EYS: variants seen among roughly 807,000 people sequenced by gnomAD.
EYS encodes the protein protein eyes shut homolog.
Under a neutral mutation model 282.1 loss-of-function variants are expected in EYS, and 250 were observed. That is an observed-to-expected ratio of 0.89 (90% confidence interval 0.80 to 0.98). EYS has a LOEUF of 0.98. EYS is among the 50% of genes least tolerant of loss of function. The pLI, the probability that EYS is intolerant of heterozygous loss-of-function variation, is 0.00. For missense variants in EYS, 4,016 were observed against 3,709.0 expected (o/e 1.08, Z -2.15); for synonymous variants, 1,355 against 1,282.9 (o/e 1.06, Z -1.20).
chr6:64,296,588 ATATATATATATTTTTTT>A (rs1769026927), intron 30 of EYS, among the ~76,000 whole-genome samples: 1 of 3,526 alleles, frequency 2.8e-4, no homozygotes, highest in African/African-American at 1.1e-3. Flanking sequence ...ATATATACAT[ATATATATATATTTTTTT>A]TTTTTTTTTT....
At chr6:65,544,623 G>T (rs1459923129) in intron 2 of EYS, among the ~76,000 whole-genome samples, 2 of 152,154 alleles carry the variant, frequency 1.3e-5, no homozygotes, top group African/African-American at 4.8e-5. Context: ...GAAGAACTGT[G>T]ACACAATTAA....
rs116280015 is a variant in EYS, at chr6:64,528,547, T to G, written c.5644+61676A>C. Reference sequence around the variant, plus strand: ...CTGGAATGTGTTTTGCTTTGAATCTTTTATCTTAATTTATGTCAAACATTG... The same window carrying G: ...CTGGAATGTGTTTTGCTTTGAATCTGTTATCTTAATTTATGTCAAACATTG... On this transcript the variant is annotated intron_variant, in intron 26 of 42. Transcript: ENST00000503581. 9.9e-3 allele frequency among the ~76,000 whole-genome samples: 1,504 copies of G among 152,100 alleles called. 31 individuals are homozygous for G. The highest frequency in any genetic ancestry group is 0.034 in the African/African-American group (1,409 of 41,546).
At chr6:64,663,531 G>A (rs974054127) in intron 22 of EYS, among the ~76,000 whole-genome samples, 13 of 152,062 alleles carry the variant, frequency 8.5e-5, no homozygotes, top group African/African-American at 1.2e-4. Context: ...TACATTCTTC[G>A]GATCATTGTC....
At chr6:63,738,430 C>G (rs1280503119) in intron 41 of EYS, among the ~76,000 whole-genome samples, 1 of 151,896 alleles carries the variant, frequency 6.6e-6, no homozygotes, top group Non-Finnish European at 1.5e-5. Context: ...AGTTCATGTC[C>G]TTTGTAGGGA....
chr6:64,298,389 A>G (rs536208963), intron 30 of EYS, among the ~76,000 whole-genome samples: 2 of 152,290 alleles, frequency 1.3e-5, no homozygotes, highest in South Asian at 4.1e-4. Context: ...TTATGTATAA[A>G]GATGTAATTT....
intron 26 of EYS, among the ~76,000 whole-genome samples, chr6:64,569,464 G>A (rs979847596): frequency 1.3e-5 from 2 of 151,916 alleles, no homozygotes; most frequent in Non-Finnish European, 2.9e-5. Flanking sequence ...AAAAGGAGCC[G>A]GGCGTGGTGG....
intron 2 of EYS, among the ~76,000 whole-genome samples, chr6:65,508,052 C>G (rs1235250765): frequency 1.3e-5 from 2 of 152,058 alleles, no homozygotes; most frequent in Non-Finnish European, 2.9e-5. Flanking sequence ...ATGAACAGGC[C>G]TCTAATGTGG....
chr6:64,057,697 CTAA>C (rs1415391006), intron 33 of EYS, among the ~76,000 whole-genome samples: 2 of 152,128 alleles, frequency 1.3e-5, no homozygotes, highest in Non-Finnish European at 2.9e-5. Flanking sequence ...TTATAAACCA[CTAA>C]TAAGTAAAAA....
intron 35 of EYS, among the ~76,000 whole-genome samples, chr6:63,954,340 A>G (rs1456398037): frequency 6.6e-6 from 1 of 152,010 alleles, no homozygotes; most frequent in Admixed American, 6.6e-5. Context: ...GCCCCCCTCC[A>G]CTACCTCTCA....
chr6:65,388,770 C>T (rs943004907), intron 7 of EYS, among the ~76,000 whole-genome samples: 6 of 152,012 alleles, frequency 3.9e-5, no homozygotes, highest in Admixed American at 6.6e-5. Context: ...GATTTTAAAA[C>T]ATATATATTC....
rs1769674078 is a variant in EYS at position 63,762,627 on chromosome 6, A to G, written c.7905T>C (p.Asn2635=). 7 of 1,549,744 alleles carry G rather than the reference A, an allele frequency of 4.5e-6. No individual in the cohort carries two copies. Among genetic ancestry groups the G allele is most frequent in the Non-Finnish European group, 5.2e-6 (6 of 1,145,820 alleles). The change falls in exon 41 of 43, where the codon AAT becomes AAC. Residue 2635 remains asparagine, a synonymous_variant. Coordinates refer to ENST00000503581, the MANE Select transcript of EYS (RefSeq NM_001142800.2). The stretch of plus-strand genomic sequence containing the variant: ...ATGATCCTTTCCACCCAGTGGTACA[A>G]TTGCAGCTGTGGGTTGAGAGAAAGC... ...CIESGTSVYC[N]CTTGWKGSFC... is the part of the protein sequence containing the mutation.
At position 64,849,711 on chromosome 6, in the gene EYS, T is replaced by C. The variant is rs1379867450; in HGVS notation, c.2993-26889A>G. Among the ~76,000 whole-genome samples the C allele has an allele frequency of 3.3e-5, 5 of 152,136 alleles. No individual in the cohort carries two copies. The East Asian group carries it at 9.7e-4, about 29-fold the overall frequency. On this transcript the variant is annotated intron_variant, in intron 19 of 42. Transcript: ENST00000503581. ...TAGAATCCAGTTCCTTACAGGTAGA[T>C]TGAACATGCACATTTCCTTGTTGAG...
At chr6:64,899,804 C>G (rs1767594821) in intron 18 of EYS, among the ~76,000 whole-genome samples, 1 of 151,728 alleles carries the variant, frequency 6.6e-6, no homozygotes, top group Non-Finnish European at 1.5e-5. Context: ...CCACACCGCC[C>G]AAAGTAATTT....
At chr6:64,854,239 C>T (rs958770084) in intron 19 of EYS, among the ~76,000 whole-genome samples, 3 of 152,098 alleles carry the variant, frequency 2.0e-5, no homozygotes, top group Middle Eastern at 3.2e-3. Flanking sequence ...ACTCAGCAAT[C>T]GCATTACTGG....
At chr6:63,791,533 G>A (rs1229156164) in intron 37 of EYS, among the ~76,000 whole-genome samples, 7 of 147,070 alleles carry the variant, frequency 4.8e-5, no homozygotes, top group East Asian at 2.0e-4. Context: ...AGCCGAGATC[G>A]TACCACTGCA....
chr6:64,426,165 T>C (rs1415205862), intron 28 of EYS, among the ~76,000 whole-genome samples: 1 of 152,152 alleles, frequency 6.6e-6, no homozygotes, highest in African/African-American at 2.4e-5. Context: ...ACTAAAATGC[T>C]TAGTACAATG....
At chr6:64,778,046 T>C (rs1475138827) in intron 22 of EYS, among the ~76,000 whole-genome samples, 3 of 152,098 alleles carry the variant, frequency 2.0e-5, no homozygotes, top group Non-Finnish European at 4.4e-5. Flanking sequence ...AGAAAAGGAT[T>C]GTTAGAAGTA....
At chr6:65,589,375 T>G (rs892191190) in intron 2 of EYS, among the ~76,000 whole-genome samples, 3 of 152,062 alleles carry the variant, frequency 2.0e-5, no homozygotes, top group Non-Finnish European at 4.4e-5. Flanking sequence ...TCTGCAATTA[T>G]CTTTTTCTTC....
At chr6:64,657,035 C>T (rs889299937) in intron 22 of EYS, among the ~76,000 whole-genome samples, 2 of 152,164 alleles carry the variant, frequency 1.3e-5, no homozygotes, top group Admixed American at 6.6e-5. Context: ...AATCTGGGTC[C>T]TCCTGTATTG....
Sources: allele counts gnomAD v4.1 joint callset (sites outside exome capture counted in the v4.1 genomes callset), GRCh38; gene constraint gnomAD v4.1.1; transcripts MANE v1.5; gene names NCBI Gene and HGNC (gene_info 2026-07-23, HGNC 2026-07-21).